The following MARCHF3 variants were observed in gnomAD, a reference collection of about 807,000 sequenced individuals.
MARCHF3 encodes the protein membrane associated ring-CH-type finger 3, also known as E3 ubiquitin-protein ligase MARCHF3.
MARCHF3 carries 13 observed loss-of-function variants against 24.2 expected under a neutral mutation model. The observed-to-expected ratio is 0.54, with a 90% CI of 0.35 to 0.85. The LOEUF is 0.85. MARCHF3 is among the 40% of genes least tolerant of loss of function. MARCHF3 has a pLI of 0.01. For missense variants in MARCHF3, 276 were observed against 325.0 expected, an observed-to-expected ratio of 0.85 and a Z score of 1.16; for synonymous variants, 144 against 137.3, an observed-to-expected ratio of 1.05 and a Z score of -0.34.
Position 126,918,012 on chromosome 5 carries a change from T to C in MARCHF3, c.160A>G (p.Thr54Ala). 6.2e-7 allele frequency: 1 copy of C among 1,614,200 alleles called. No individual in the cohort carries two copies. The highest frequency in any genetic ancestry group is 1.3e-5 in the African/African-American group (1 of 75,066). ...TGGGTGGCAAGAGTCCGCACTACTG[T>C]TGACAGCAGCTGCCCGTCCTTGGCT... ...VSAKDGQLLS[T>A]VVRTLATQSP... Residue 54 changes from threonine (T) to alanine (A), a missense_variant, in exon 2 of 5, where the codon ACA (threonine) becomes GCA (alanine). Coordinates refer to ENST00000308660, the MANE Select transcript of MARCHF3 (RefSeq NM_178450.5).
At chr5:126,976,884 C>G (rs1751218888) in intron 1 of MARCHF3, among the ~76,000 whole-genome samples, 2 of 152,368 alleles carry the variant, frequency 1.3e-5, no homozygotes, top group South Asian at 4.1e-4. Flanking sequence ...CTTTCCTGAT[C>G]TGGTTTACAT....
intron 1 of MARCHF3, among the ~76,000 whole-genome samples, chr5:126,944,663 G>A (rs1215753600): frequency 2.0e-5 from 3 of 152,184 alleles, no homozygotes; most frequent in Non-Finnish European, 4.4e-5. Context: ...GACATGGGAA[G>A]CCACCTTGAA....
chr5:126,991,690 C>T (rs1187832118), intron 1 of MARCHF3, among the ~76,000 whole-genome samples: 1 of 151,398 alleles, frequency 6.6e-6, no homozygotes, highest in Non-Finnish European at 1.5e-5. Context: ...CACTGTACTC[C>T]AGCCTGGACG....
chr5:126,914,647 C>T (rs6880088), intron 3 of MARCHF3: 6,237 of 512,494 alleles, frequency 0.012, 270 homozygotes, highest in African/African-American at 0.1. Flanking sequence ...GAGATCAAGT[C>T]TCTAAACTGG....
At chr5:126,941,543 G>A (rs964584872) in intron 1 of MARCHF3, among the ~76,000 whole-genome samples, 2 of 152,200 alleles carry the variant, frequency 1.3e-5, no homozygotes, top group Admixed American at 6.5e-5. Context: ...GTCAAAGTAT[G>A]TGTCATATGC....
intron 1 of MARCHF3, among the ~76,000 whole-genome samples, chr5:126,976,532 T>C (rs1275256799): frequency 6.6e-6 from 1 of 152,218 alleles, no homozygotes; most frequent in East Asian, 1.9e-4. Flanking sequence ...TTCCAAAAGC[T>C]GAGCCTCTGT....
intron 1 of MARCHF3, among the ~76,000 whole-genome samples, chr5:126,991,390 G>A (rs1751755061): frequency 6.6e-6 from 1 of 152,130 alleles, no homozygotes; most frequent in Non-Finnish European, 1.5e-5. Flanking sequence ...ACACACCGGG[G>A]CCTGTTAGGG....
chr5:126,977,395 T>A (rs1279806592), intron 1 of MARCHF3, among the ~76,000 whole-genome samples: 1 of 152,222 alleles, frequency 6.6e-6, no homozygotes, highest in Non-Finnish European at 1.5e-5. Flanking sequence ...TTTTATATTC[T>A]TACCTTTCAT....
chr5:126,876,116 T>C (rs1753148179), intron 4 of MARCHF3, among the ~76,000 whole-genome samples: 1 of 152,206 alleles, frequency 6.6e-6, no homozygotes, highest in African/African-American at 2.4e-5. Context: ...AGATGGGAGA[T>C]GAAACGAGGT....
intron 2 of MARCHF3, among the ~76,000 whole-genome samples, chr5:126,915,675 A>T (rs1374065536): frequency 6.6e-6 from 1 of 152,194 alleles, no homozygotes; most frequent in Non-Finnish European, 1.5e-5. Context: ...TGAGTGGTGG[A>T]TTGTCCTTTG....
At chr5:126,982,912 C>T (rs939913997) in intron 1 of MARCHF3, among the ~76,000 whole-genome samples, 1 of 152,116 alleles carries the variant, frequency 6.6e-6, no homozygotes, top group Admixed American at 6.5e-5. Context: ...TAGGGTGACT[C>T]CTTTGATAAA....
chr5:127,024,231 A>G (rs1396174615), intron 1 of MARCHF3, among the ~76,000 whole-genome samples: 1 of 152,222 alleles, frequency 6.6e-6, no homozygotes. Flanking sequence ...GATCACTGCT[A>G]AAGTTGACAG....
At chr5:127,010,186 G>T (rs72782308) in intron 1 of MARCHF3, among the ~76,000 whole-genome samples, 2 of 152,216 alleles carry the variant, frequency 1.3e-5, no homozygotes, top group Admixed American at 6.5e-5. Flanking sequence ...GAAGGTCAAA[G>T]AACTTTTCAG....
intron 1 of MARCHF3, among the ~76,000 whole-genome samples, chr5:126,946,761 GGTGTGTGTGTGTGT>G (rs58269583): frequency 5.1e-5 from 7 of 136,046 alleles, no homozygotes; most frequent in Non-Finnish European, 7.8e-5. Context: ...TGTAAGTAGG[GGTGTGTGTGTGTGT>G]GTGTGTGTGT....
chr5:126,989,528 C>T (rs953177723), intron 1 of MARCHF3, among the ~76,000 whole-genome samples: 1 of 151,950 alleles, frequency 6.6e-6, no homozygotes, highest in Non-Finnish European at 1.5e-5. Flanking sequence ...GAATCTTGTT[C>T]GTGTCTAAGT....
chr5:126,878,614 C>A (rs922579863), intron 3 of MARCHF3, among the ~76,000 whole-genome samples: 1 of 152,270 alleles, frequency 6.6e-6, no homozygotes, highest in Non-Finnish European at 1.5e-5. Flanking sequence ...TTTATAGTGT[C>A]CTTGCTGTAG....
chr5:126,990,427 C>G (rs1420419345), intron 1 of MARCHF3, among the ~76,000 whole-genome samples: 2 of 151,982 alleles, frequency 1.3e-5, no homozygotes, highest in Non-Finnish European at 2.9e-5. Flanking sequence ...AATGTTAGAC[C>G]TAAAACCATA....
chr5:126,884,722 C>A (rs1753451567), intron 3 of MARCHF3, among the ~76,000 whole-genome samples: 1 of 152,204 alleles, frequency 6.6e-6, no homozygotes, highest in African/African-American at 2.4e-5. Flanking sequence ...CACCTGGAAT[C>A]TGGCTGCTTC....
intron 1 of MARCHF3, among the ~76,000 whole-genome samples, chr5:126,980,067 C>A (rs763964449): frequency 2.0e-5 from 3 of 151,576 alleles, no homozygotes; most frequent in Non-Finnish European, 4.4e-5. Flanking sequence ...ATTAGTGGAT[C>A]AAACTTCTTA....
Sources: allele counts gnomAD v4.1 joint callset (sites outside exome capture counted in the v4.1 genomes callset), GRCh38; gene constraint gnomAD v4.1.1; transcripts MANE v1.5; gene names NCBI Gene and HGNC (gene_info 2026-07-23, HGNC 2026-07-21).